The following JARID2 variants were observed in gnomAD, a reference collection of about 807,000 sequenced individuals.
JARID2 encodes the protein protein Jumonji.
A neutral mutation model predicts 125.6 loss-of-function variants in JARID2; 21 were observed. That is an observed-to-expected ratio of 0.17 (90% confidence interval 0.12 to 0.24). JARID2 has a LOEUF of 0.24. Ranked by LOEUF, JARID2 falls within the 10% of genes least tolerant of loss-of-function variation. The pLI is 1.00. For synonymous variants in JARID2, 736 were observed against 661.6 expected (o/e 1.11, Z -1.73); for missense variants, 1,303 against 1,639.6 (o/e 0.79, Z 3.55).
At chr6:15,505,881 C>T (rs541104243) in intron 9 of JARID2, among the ~76,000 whole-genome samples, 7 of 152,210 alleles carry the variant, frequency 4.6e-5, no homozygotes, top group Non-Finnish European at 1.0e-4. Flanking sequence ...AGATGTCAGG[C>T]GGAGGACACT....
intron 1 of JARID2, among the ~76,000 whole-genome samples, chr6:15,272,477 A>G (rs191503271): frequency 1.1e-4 from 17 of 152,324 alleles, no homozygotes; most frequent in Non-Finnish European, 1.6e-4. Context: ...AATAGCTACC[A>G]TTGATTGAAT....
chr6:15,368,865 A>AAAAG, intron 1 of JARID2: 1 of 365,682 alleles, frequency 2.7e-6, no homozygotes, highest in African/African-American at 2.1e-5. Context: ...TATTTTGCAG[A>AAAAG]GCAGAGCTTC....
chr6:15,421,737 T>C (rs1766498676), intron 3 of JARID2, among the ~76,000 whole-genome samples: 1 of 152,342 alleles, frequency 6.6e-6, no homozygotes, highest in Admixed American at 6.5e-5. Context: ...GCCTGGACTT[T>C]GCCACTGTAC....
intron 1 of JARID2, among the ~76,000 whole-genome samples, chr6:15,357,598 T>C (rs911475328): frequency 6.6e-6 from 1 of 151,514 alleles, no homozygotes; most frequent in Non-Finnish European, 1.5e-5. Flanking sequence ...ATTTATTGAT[T>C]TTTTTTTTAA....
At chr6:15,370,734 A>G (rs1261677203) in intron 1 of JARID2, among the ~76,000 whole-genome samples, 1 of 152,108 alleles carries the variant, frequency 6.6e-6, no homozygotes, top group Non-Finnish European at 1.5e-5. Context: ...CTGGAAGGAT[A>G]TTTCTTCTGG....
chr6:15,374,549 T>G (rs1254265072), intron 2 of JARID2, among the ~76,000 whole-genome samples: 3 of 152,260 alleles, frequency 2.0e-5, no homozygotes, highest in Non-Finnish European at 2.9e-5. Flanking sequence ...CAGAACTCTT[T>G]GATGATCTTG....
At chr6:15,424,488 T>TAATA (rs1458755144) in intron 3 of JARID2, among the ~76,000 whole-genome samples, 1 of 152,178 alleles carries the variant, frequency 6.6e-6, no homozygotes, top group African/African-American at 2.4e-5. Context: ...GAATCTAAAG[T>TAATA]AATACTCTGT....
chr6:15,339,704 T>C (rs1294187589), intron 1 of JARID2, among the ~76,000 whole-genome samples: 6 of 151,638 alleles, frequency 4.0e-5, no homozygotes, highest in Non-Finnish European at 5.9e-5. Flanking sequence ...CCCAGCTAAT[T>C]TTGTATTTTT....
At chr6:15,301,987 G>A (rs563537637) in intron 1 of JARID2, among the ~76,000 whole-genome samples, 2 of 152,280 alleles carry the variant, frequency 1.3e-5, no homozygotes, top group African/African-American at 4.8e-5. Flanking sequence ...TCAAGAGAAA[G>A]AATAGTTTAT....
At chr6:15,346,107 G>C (rs1763236848) in intron 1 of JARID2, among the ~76,000 whole-genome samples, 1 of 152,196 alleles carries the variant, frequency 6.6e-6, no homozygotes, top group Admixed American at 6.5e-5. Flanking sequence ...TAGAGGTTCA[G>C]GGTCTTTCAT....
chr6:15,408,190 T>C (rs993615370), intron 2 of JARID2, among the ~76,000 whole-genome samples: 1 of 152,082 alleles, frequency 6.6e-6, no homozygotes, highest in African/African-American at 2.4e-5. Flanking sequence ...AGGTCAAGGC[T>C]GCAATAAGCT....
chr6:15,269,430 C>T lies in JARID2; in HGVS notation c.45+22846C>T, dbSNP rs376908823. ...CTGGCGTGTGGTGGTGTGATCACAG[C>T]TTATTACTGCATCCTTGAACTCTTG... On this transcript the variant is annotated intron_variant, in intron 1 of 17. Coordinates refer to ENST00000341776, the MANE Select transcript of JARID2 (RefSeq NM_004973.4). Among the ~76,000 whole-genome samples the T allele has an allele frequency of 4.6e-5, 7 of 152,224 alleles. No homozygotes were observed. In the East Asian group the frequency reaches 1.3e-3, roughly 29 times the overall value.
chr6:15,374,276 C>T (rs780193774), intron 2 of JARID2, 24 bp downstream of exon 2: 11 of 1,610,966 alleles, frequency 6.8e-6, no homozygotes, highest in East Asian at 6.7e-5. Flanking sequence ...TGGAATATCT[C>T]ATTGGAATGT....
At chr6:15,383,390 A>G (rs1483685976) in intron 2 of JARID2, among the ~76,000 whole-genome samples, 2 of 151,660 alleles carry the variant, frequency 1.3e-5, no homozygotes, top group Admixed American at 1.3e-4. Flanking sequence ...CCCCTCCATG[A>G]CATCACACTG....
intron 5 of JARID2, among the ~76,000 whole-genome samples, chr6:15,472,294 A>C (rs1049330795): frequency 6.6e-6 from 1 of 151,964 alleles, no homozygotes; most frequent in Non-Finnish European, 1.5e-5. Flanking sequence ...TTTCTTTTAC[A>C]ATAGAGTCAC....
At chr6:15,349,093 C>T (rs34960211) in intron 1 of JARID2, among the ~76,000 whole-genome samples, 13,146 of 152,192 alleles carry the variant, frequency 0.086, 638 homozygotes, top group East Asian at 0.2. Flanking sequence ...CCCTCTTGAC[C>T]TTGCAGCTTA....
chr6:15,261,641 A>G (rs937531495), intron 1 of JARID2, among the ~76,000 whole-genome samples: 1 of 150,392 alleles, frequency 6.6e-6, no homozygotes, highest in African/African-American at 2.4e-5. Flanking sequence ...CTTCTAAGGA[A>G]TGTGGTTTCT....
At chr6:15,427,259 G>A (rs1012496267) in intron 3 of JARID2, among the ~76,000 whole-genome samples, 2 of 152,140 alleles carry the variant, frequency 1.3e-5, no homozygotes, top group Non-Finnish European at 2.9e-5. Flanking sequence ...TGGACCTGCC[G>A]CAGAATATTT....
At chr6:15,279,976 G>A (rs9396578) in intron 1 of JARID2, among the ~76,000 whole-genome samples, 8 of 151,856 alleles carry the variant, frequency 5.3e-5, no homozygotes, top group African/African-American at 1.9e-4. Context: ...TTTATATTTC[G>A]GGAAATTTCA....
Sources: gnomAD v4.1 joint callset for allele counts (sites outside exome capture counted in the v4.1 genomes callset) on GRCh38, gnomAD v4.1.1 for gene constraint, MANE v1.5 for transcripts, NCBI Gene and HGNC (gene_info 2026-07-23, HGNC 2026-07-21) for gene names.